The following SMURF2 variants were observed in gnomAD, a reference collection of about 807,000 sequenced individuals.
SMURF2 encodes SMAD specific E3 ubiquitin protein ligase 2.
A neutral mutation model predicts 109.6 loss-of-function variants in SMURF2; 48 were observed. That is an observed-to-expected ratio of 0.44 (90% CI 0.35 to 0.56). The LOEUF is 0.56. SMURF2 is among the 20% of genes least tolerant of loss of function. The pLI, the probability that SMURF2 is intolerant of heterozygous loss-of-function variation, is 0.01. For synonymous variants in SMURF2, 288 were observed against 317.1 expected (o/e 0.91, Z 0.97); for missense variants, 575 against 909.0 (o/e 0.63, Z 4.72).
chr17:64,556,087 T>G, intron 13 of SMURF2, 89 bp from the exon 14 acceptor site: 2 of 994,152 alleles, frequency 2.0e-6, no homozygotes, highest in East Asian at 5.3e-5. Context: ...TTAATCTTTT[T>G]GAGAATAAGC....
intron 3 of SMURF2, among the ~76,000 whole-genome samples, chr17:64,597,367 T>C (rs189379643): frequency 6.6e-6 from 1 of 152,216 alleles, no homozygotes; most frequent in African/African-American, 2.4e-5. Context: ...GAGCTATGAT[T>C]ATGCCACTGC....
In SMURF2 at chr17:64,662,145, C is replaced by G; in HGVS notation, c.-265G>C. The G allele has an allele frequency of 9.7e-7, 1 of 1,034,590 alleles. No individual in the cohort carries two copies. The allele number at this position is 1,034,590 out of a possible 1,614,324, so 64.1% of individuals were successfully genotyped here. Reference sequence around the variant, plus strand: ...CGCGGCCGCCCGCGCCGCCTCCGCCCGCGCCCCCGCCGCCTCCTCGCGGCC... The same window carrying G: ...CGCGGCCGCCCGCGCCGCCTCCGCCGGCGCCCCCGCCGCCTCCTCGCGGCC... On this transcript the variant is annotated 5_prime_UTR_variant, in exon 1 of 19. Transcript: ENST00000262435.
chr17:64,551,821 TA>T, intron 15 of SMURF2, 117 bp from the exon 16 acceptor site: 1 of 1,268,890 alleles, frequency 7.9e-7, no homozygotes, highest in Admixed American at 2.1e-5. Context: ...ATTAACGGTT[TA>T]GCCTCAAGTC....
At position 64,599,366 on chromosome 17, in the gene SMURF2, C is replaced by T. The variant is rs782806533; in HGVS notation, c.92-876G>A. Among the ~76,000 whole-genome samples the T allele has an allele frequency of 5.3e-5, 8 of 152,140 alleles. No homozygotes were observed. In the East Asian group the frequency reaches 5.8e-4, roughly 11 times the overall value. On this transcript the variant is annotated intron_variant, in intron 2 of 18. Coordinates refer to ENST00000262435, the MANE Select transcript of SMURF2 (RefSeq NM_022739.4). ...GCTGTATTTTACCTCTTATTTACTACGTGGTCCAACAGTGAGTACAAGTAA... is the reference window on the plus strand; with the variant it reads ...GCTGTATTTTACCTCTTATTTACTATGTGGTCCAACAGTGAGTACAAGTAA...
chr17:64,547,855 A>C lies in SMURF2; in HGVS notation c.1870-54T>G. The C allele has an allele frequency of 6.5e-7, 1 of 1,534,622 alleles. No homozygotes were observed. The highest frequency in any genetic ancestry group is 9.0e-7 in the Non-Finnish European group (1 of 1,109,824). On this transcript the variant is annotated intron_variant, in intron 16 of 18. Coordinates refer to ENST00000262435, the MANE Select transcript of SMURF2 (RefSeq NM_022739.4). This position sits in a 1 kb window ranked among gnomAD's most constrained non-coding sequence, Gnocchi z 4.2. ...TGTGGAAACCACAGCCAGACCAAAA[A>C]TTCCTCAAAAGAGAACTTTAGGTTT... is the stretch of plus-strand genomic sequence containing the variant.
chr17:64,600,158 T>C (rs1969874515), intron 2 of SMURF2, among the ~76,000 whole-genome samples: 1 of 151,780 alleles, frequency 6.6e-6, no homozygotes, highest in Non-Finnish European at 1.5e-5. Context: ...TATCCAACAG[T>C]AGGATGAAAA....
intron 1 of SMURF2, among the ~76,000 whole-genome samples, chr17:64,632,765 G>A (rs1324393361): frequency 6.6e-6 from 1 of 152,168 alleles, no homozygotes; most frequent in African/African-American, 2.4e-5. Context: ...AACACATCTG[G>A]TTTCAAATTC....
chr17:64,597,925 A>G (rs545939882), intron 3 of SMURF2, among the ~76,000 whole-genome samples: 7 of 152,194 alleles, frequency 4.6e-5, no homozygotes, highest in Non-Finnish European at 1.0e-4. Context: ...AGAATGGAGC[A>G]GGGAACTTGC....
chr17:64,655,473 G>A (rs1970694208), intron 1 of SMURF2, among the ~76,000 whole-genome samples: 1 of 151,380 alleles, frequency 6.6e-6, no homozygotes. Context: ...GGCCAGGCTG[G>A]TCTCAAACTC....
At chr17:64,626,271 AAAAC>A (rs1278516163) in intron 1 of SMURF2, among the ~76,000 whole-genome samples, 6 of 151,822 alleles carry the variant, frequency 4.0e-5, no homozygotes, top group African/African-American at 1.2e-4. Context: ...AAAAAAAAAA[AAAAC>A]AAAAAACATA....
chr17:64,601,076 A>G (rs1307994051), intron 2 of SMURF2, among the ~76,000 whole-genome samples: 2 of 151,814 alleles, frequency 1.3e-5, no homozygotes, highest in African/African-American at 4.8e-5. Flanking sequence ...TAGTAAGACC[A>G]CCCCCCATCC....
intron 1 of SMURF2, among the ~76,000 whole-genome samples, chr17:64,661,623 C>A (rs1231591594): frequency 2.0e-5 from 3 of 152,268 alleles, no homozygotes; most frequent in Admixed American, 6.5e-5. Flanking sequence ...ACACCACCCC[C>A]CGCCCCGAGT....
chr17:64,633,900 T>A (rs1388291985), intron 1 of SMURF2, among the ~76,000 whole-genome samples: 10 of 152,160 alleles, frequency 6.6e-5, no homozygotes, highest in African/African-American at 4.8e-5. Context: ...CTCATGCCTG[T>A]CATCCCAACA....
At chr17:64,603,268 A>G (rs782306289) in intron 2 of SMURF2, among the ~76,000 whole-genome samples, 3 of 152,168 alleles carry the variant, frequency 2.0e-5, no homozygotes, top group Non-Finnish European at 4.4e-5. Flanking sequence ...ATTCCTTTTC[A>G]TATAAAAAAT....
At chr17:64,549,082 A>G (rs1555683389) in intron 16 of SMURF2, among the ~76,000 whole-genome samples, 1 of 151,778 alleles carries the variant, frequency 6.6e-6, no homozygotes, top group Non-Finnish European at 1.5e-5. Context: ...TCAGGAGTTC[A>G]AGACCAGCCT....
intron 2 of SMURF2, among the ~76,000 whole-genome samples, chr17:64,604,674 G>A (rs780893050): frequency 2.0e-5 from 3 of 152,066 alleles, no homozygotes; most frequent in African/African-American, 4.8e-5. Flanking sequence ...AGCCGGGCGC[G>A]ATGGTTCATG....
intron 10 of SMURF2, among the ~76,000 whole-genome samples, chr17:64,567,851 G>A (rs1969336018): frequency 2.8e-5 from 4 of 142,736 alleles, no homozygotes. Context: ...CACCACACCT[G>A]GCTTTTTTTT....
chr17:64,566,561 G>GTATTTTTTTTTTTTTTTTTTTTTTTT (rs1969305752), intron 10 of SMURF2, among the ~76,000 whole-genome samples: 1 of 43,784 alleles, frequency 2.3e-5, no homozygotes, highest in Non-Finnish European at 4.2e-5. Context: ...AAGCTTTCTG[G>GTATTTTTTTTTTTTTTTTTTTTTTTT]TTTTTTTTTT....
intron 4 of SMURF2, 117 bp from the exon 5 acceptor site, chr17:64,591,266 G>T: frequency 1.4e-6 from 1 of 738,638 alleles, no homozygotes; most frequent in South Asian, 1.9e-5. Context: ...ATCATTTAAA[G>T]AGTTCAGATT....
Sources: allele counts gnomAD v4.1 joint callset (sites outside exome capture counted in the v4.1 genomes callset), GRCh38; gene constraint gnomAD v4.1.1; non-coding constraint Gnocchi (gnomAD v3.1); transcripts MANE v1.5; gene names NCBI Gene and HGNC (gene_info 2026-07-23, HGNC 2026-07-21).